NLRC4: variants seen among roughly 807,000 people sequenced by gnomAD.
The protein encoded by NLRC4 is NLR family CARD domain containing 4.
In NLRC4, 63 loss-of-function variants were observed where a neutral mutation model predicts 79.9. That is an observed-to-expected ratio of 0.79 (90% CI 0.64 to 0.97). The LOEUF (loss-of-function observed/expected upper bound fraction) is 0.97, where lower values mean the gene tolerates loss of function less well. NLRC4 is among the 50% of genes least tolerant of loss of function. The pLI is 0.00. For synonymous variants in NLRC4, 461 were observed against 456.5 expected, an observed-to-expected ratio of 1.01 and a Z score of -0.12; for missense variants, 1,074 against 1,215.2, an observed-to-expected ratio of 0.88 and a Z score of 1.73.
chr2:32,260,213 C>CAAAAAA (rs1197388989), intron 1 of NLRC4, among the ~76,000 whole-genome samples: 54 of 74,920 alleles, frequency 7.2e-4, no homozygotes, highest in Middle Eastern at 0.01. Context: ...TGGGCAACGA[C>CAAAAAA]AAAAAAAAAA....
chr2:32,238,053 A>C (rs780724303), intron 6 of NLRC4, 79 bp downstream of exon 6: 4 of 964,558 alleles, frequency 4.1e-6, no homozygotes, highest in Non-Finnish European at 5.9e-6. Context: ...TCCATTTGAG[A>C]CATTTAGTGT....
intron 5 of NLRC4, 124 bp from the exon 6 acceptor site, chr2:32,238,426 G>A (rs747558379): frequency 1.7e-5 from 13 of 759,268 alleles, no homozygotes; most frequent in East Asian, 2.8e-5. Flanking sequence ...TTCCTGCAGC[G>A]ACTTTAAGTT....
At chr2:32,253,515 G>C (rs1042330831) in intron 2 of NLRC4, among the ~76,000 whole-genome samples, 3 of 152,144 alleles carry the variant, frequency 2.0e-5, no homozygotes, top group African/African-American at 7.2e-5. Context: ...AAGAAGTAAG[G>C]TGAGTTATCT....
intron 4 of NLRC4, among the ~76,000 whole-genome samples, chr2:32,244,511 A>G (rs1686883629): frequency 6.6e-6 from 1 of 152,142 alleles, no homozygotes. Flanking sequence ...ACTATTCAAC[A>G]TTGTACTACA....
chr2:32,248,961 G>A lies in NLRC4; in HGVS notation c.2257+646C>T, dbSNP rs546555537. ...TGCCATAACTACAGCTTTGATTGGA[G>A]AAGAGAGTGATTTCAGTAACTTTCT... is the stretch of plus-strand genomic sequence containing the variant. On this transcript the variant is annotated intron_variant, in intron 4 of 8. Transcript: ENST00000402280. Among the ~76,000 whole-genome samples the A allele has an allele frequency of 5.3e-5, 8 of 152,304 alleles. No individual in the cohort carries two copies. The South Asian group carries it at 1.5e-3, about 28-fold the overall frequency.
In NLRC4 at chr2:32,225,003, A is replaced by T. The variant is rs1050846556; in HGVS notation, c.2783-238T>A. ...GGGAATCTGATAAATAGTGATTCGT[A>T]GTGAGGTAGCAACAATATGTAAATG... On this transcript the variant is annotated intron_variant, in intron 8 of 8. Coordinates refer to ENST00000402280, the MANE Select transcript of NLRC4 (RefSeq NM_001199138.2). Among the ~76,000 whole-genome samples the T allele has an allele frequency of 2.6e-5, 4 of 152,304 alleles. No individual in the cohort carries two copies. The East Asian group carries it at 5.8e-4, about 22-fold the overall frequency.
intron 4 of NLRC4, among the ~76,000 whole-genome samples, chr2:32,245,312 A>C (rs1337186375): frequency 4.0e-5 from 1 of 25,098 alleles, no homozygotes. Context: ...CTCCTTCTCA[A>C]AAAAAAAAAA....
Position 32,243,758 on chromosome 2 carries a change from A to C in NLRC4, c.2258-2633T>G, listed in dbSNP as rs184100649. 6.0e-3 allele frequency among the ~76,000 whole-genome samples: 897 copies of C among 150,084 alleles called. 11 individuals are homozygous for C. The highest frequency in any genetic ancestry group is 0.021 in the African/African-American group (839 of 40,722). ...GGTTGCAGTGAGCCGAGATCGCATC[A>C]TTGCACTCAGCCTGGTGACACAGCA... On this transcript the variant is annotated intron_variant, in intron 4 of 8. Transcript: ENST00000402280.
At chr2:32,229,856 C>T (rs1422160720) in intron 8 of NLRC4, among the ~76,000 whole-genome samples, 2 of 152,064 alleles carry the variant, frequency 1.3e-5, no homozygotes, top group African/African-American at 2.4e-5. Context: ...TGTGGAGAGT[C>T]AGATGCAATG....
intron 5 of NLRC4, among the ~76,000 whole-genome samples, 198 bp downstream of exon 5, chr2:32,240,835 T>C (rs1384361199): frequency 6.6e-6 from 1 of 152,184 alleles, no homozygotes; most frequent in East Asian, 1.9e-4. Flanking sequence ...AGGGTTACCA[T>C]CTGGTGTTGT....
chr2:32,253,742 A>G (rs1573498158), intron 2 of NLRC4, among the ~76,000 whole-genome samples: 1 of 152,022 alleles, frequency 6.6e-6, no homozygotes, highest in South Asian at 2.1e-4. Flanking sequence ...AGGCGGGCGG[A>G]TCACCAGAGG....
upstream of NLRC4, chr2:32,265,010 A>G (rs1687435015): frequency 6.6e-6 from 1 of 152,052 alleles, no homozygotes; most frequent in African/African-American, 2.4e-5. Context: ...GAAGAAGTAG[A>G]ACTTCAGAGT....
At chr2:32,244,887 A>T (rs191237582) in intron 4 of NLRC4, among the ~76,000 whole-genome samples, 59 of 151,144 alleles carry the variant, frequency 3.9e-4, no homozygotes, top group Non-Finnish European at 7.1e-4. Context: ...GGAGAGGAAG[A>T]AGGAGGAGGA....
At chr2:32,257,190 T>C (rs955276351) in intron 1 of NLRC4, among the ~76,000 whole-genome samples, 5 of 152,224 alleles carry the variant, frequency 3.3e-5, no homozygotes, top group African/African-American at 4.8e-5. Context: ...AAAGACGGTA[T>C]AAGTGTCAAC....
intron 4 of NLRC4, among the ~76,000 whole-genome samples, chr2:32,246,292 A>G (rs1417934870): frequency 1.3e-5 from 2 of 152,248 alleles, no homozygotes; most frequent in Non-Finnish European, 2.9e-5. Flanking sequence ...ATCACTTTAC[A>G]GGATCAGTAT....
At chr2:32,226,104 A>C (rs926510818) in intron 8 of NLRC4, among the ~76,000 whole-genome samples, 1 of 152,198 alleles carries the variant, frequency 6.6e-6, no homozygotes, top group Non-Finnish European at 1.5e-5. Context: ...GCAAAGACTA[A>C]AAGGTATCTG....
intron 8 of NLRC4, among the ~76,000 whole-genome samples, chr2:32,231,585 T>TG (rs1686540140): frequency 5.2e-5 from 2 of 38,290 alleles, no homozygotes; most frequent in Non-Finnish European, 5.0e-5. Flanking sequence ...GGGGGGGGGG[T>TG]GGGGGACTGG....
intron 2 of NLRC4, among the ~76,000 whole-genome samples, chr2:32,255,466 G>C (rs1175449344): frequency 6.8e-6 from 1 of 146,054 alleles, no homozygotes; most frequent in African/African-American, 2.6e-5. Flanking sequence ...GTTGCGGTGA[G>C]CCCAGATGGC....
chr2:32,257,463 G>A (rs1352335261), intron 1 of NLRC4, among the ~76,000 whole-genome samples: 1 of 151,926 alleles, frequency 6.6e-6, no homozygotes. Flanking sequence ...AAAAATTAGC[G>A]GGGCGTGGTG....
Sources: allele counts gnomAD v4.1 joint callset (sites outside exome capture counted in the v4.1 genomes callset), GRCh38; gene constraint gnomAD v4.1.1; transcripts MANE v1.5; gene names NCBI Gene and HGNC (gene_info 2026-07-23, HGNC 2026-07-21).